Variants in DYTN observed in about 807,000 individuals in gnomAD.
DYTN encodes the protein dystrotelin.
DYTN carries 75 observed loss-of-function variants against 69.6 expected under a neutral mutation model. That is an observed-to-expected ratio of 1.08 (90% CI 0.89 to 1.31). DYTN has a LOEUF of 1.31. DYTN is among the 50% of genes most tolerant of loss of function. The pLI is 0.00. For missense variants in DYTN, 726 were observed against 688.4 expected (o/e 1.05, Z -0.61); for synonymous variants, 252 against 249.1 (o/e 1.01, Z -0.11).
intron 7 of DYTN, among the ~76,000 whole-genome samples, chr2:206,696,901 T>C (rs1345111135): frequency 6.6e-6 from 1 of 152,184 alleles, no homozygotes; most frequent in Non-Finnish European, 1.5e-5. Flanking sequence ...CAATGAACAT[T>C]AGTTGAATGA....
chr2:206,681,089 A>T (rs148256326), intron 9 of DYTN, among the ~76,000 whole-genome samples: 2 of 152,216 alleles, frequency 1.3e-5, no homozygotes, highest in South Asian at 2.1e-4. Flanking sequence ...GGTCCTTCAC[A>T]TCCCTTGTTA....
At chr2:206,678,170 A>T (rs1699710729) in intron 9 of DYTN, among the ~76,000 whole-genome samples, 1 of 152,240 alleles carries the variant, frequency 6.6e-6, no homozygotes, top group African/African-American at 2.4e-5. Flanking sequence ...GGTGCTGATG[A>T]AGGAAAAAAT....
chr2:206,671,201 C>T (rs1699626620), intron 9 of DYTN, among the ~76,000 whole-genome samples: 2 of 152,274 alleles, frequency 1.3e-5, no homozygotes, highest in South Asian at 2.1e-4. Context: ...GATTGGATTT[C>T]ATTACACTCC....
At chr2:206,666,075 G>C in intron 9 of DYTN, 46 bp from the exon 10 acceptor site, 3 of 1,596,750 alleles carry the variant, frequency 1.9e-6, no homozygotes, top group Non-Finnish European at 2.6e-6. Context: ...CAAGAGGCCA[G>C]TACACTAATT....
chr2:206,698,678 G>T (rs185072838), intron 7 of DYTN, among the ~76,000 whole-genome samples: 9 of 152,272 alleles, frequency 5.9e-5, no homozygotes, highest in Admixed American at 3.3e-4. Flanking sequence ...TTATTTATGG[G>T]AGACCTATAA....
chr2:206,710,072 AC>A (rs1321492842), intron 2 of DYTN, among the ~76,000 whole-genome samples: 1 of 152,216 alleles, frequency 6.6e-6, no homozygotes, highest in Admixed American at 6.5e-5. Flanking sequence ...ATTTGTACCT[AC>A]TTTTGCATGT....
chr2:206,690,318 T>TC lies in DYTN; in HGVS notation c.980+2856dup, dbSNP rs1022407547. Among the ~76,000 whole-genome samples the TC allele has an allele frequency of 7.9e-5, 12 of 152,160 alleles. No individual in the cohort carries two copies. In the South Asian group the frequency reaches 1.0e-3, roughly 13 times the overall value. The stretch of plus-strand genomic sequence containing the variant: ...AGCTGTGAGGCTGAAGCAGAACAAG[T>TC]CAGGGAGAGGTGCAGTGGAGGACCA... On this transcript the variant is annotated intron_variant, in intron 9 of 11. Coordinates refer to ENST00000452335, the MANE Select transcript of DYTN (RefSeq NM_001093730.1).
chr2:206,658,380 A>ACGT (rs1699472068), intron 11 of DYTN, among the ~76,000 whole-genome samples: 1 of 151,696 alleles, frequency 6.6e-6, no homozygotes, highest in South Asian at 2.1e-4. Context: ...TTTCTCTATT[A>ACGT]CTTCTTCTTC....
chr2:206,702,092 A>G, intron 5 of DYTN, among the ~76,000 whole-genome samples: 1 of 152,162 alleles, frequency 6.6e-6, no homozygotes, highest in African/African-American at 2.4e-5. Context: ...ATATATTTCA[A>G]CGGCTCAATC....
chr2:206,651,840 A>T lies in DYTN; in HGVS notation c.1715T>A (p.Ile572Asn), dbSNP rs1354681920. The change falls in exon 12 of 12, where the codon ATT becomes AAT. Residue 572 changes from isoleucine (I) to asparagine (N), a missense_variant. Physicochemically the swap from Ile to Asn is moderately radical, Grantham distance 149. Coordinates refer to ENST00000452335, the MANE Select transcript of DYTN (RefSeq NM_001093730.1). ...CRAFSALVDQ[I>N]ALPNLK is the part of the protein sequence containing the mutation. ...ATTTCACTTCAAATTGGGCAAGGCA[A>T]TTTGATCAACAAGGGCAGAGAAGGC... 1.2e-6 allele frequency: 2 copies of T among 1,613,542 alleles called. No individual in the cohort carries two copies. The highest frequency in any genetic ancestry group is 4.5e-5 in the East Asian group (2 of 44,884).
At chr2:206,705,538 C>T (rs750367677) in intron 4 of DYTN, among the ~76,000 whole-genome samples, 4 of 152,182 alleles carry the variant, frequency 2.6e-5, no homozygotes, top group Non-Finnish European at 5.9e-5. Flanking sequence ...GGCTTCAAAC[C>T]AATAATAATT....
rs762939397 is a variant in DYTN, at chr2:206,663,205, GTGTGACTTC to G, written c.1322_1330del (p.Arg441_His443del). 14 of 1,613,968 alleles carry G rather than the reference GTGTGACTTC, an allele frequency of 8.7e-6. No homozygotes were observed. In the South Asian group the frequency reaches 9.9e-5, roughly 11 times the overall value. On this transcript the variant is annotated inframe_deletion, in exon 11 of 12. Coordinates refer to ENST00000452335, the MANE Select transcript of DYTN (RefSeq NM_001093730.1). ...ATTTCGCAGAGCATGCTCTGCATTT[GTGTGACTTC>G]TGTGACTTCTGTCAACCTCATCAAG...
At chr2:206,705,259 G>T (rs1340999516) in intron 4 of DYTN, among the ~76,000 whole-genome samples, 1 of 152,154 alleles carries the variant, frequency 6.6e-6, no homozygotes, top group Non-Finnish European at 1.5e-5. Flanking sequence ...ACCACACCCG[G>T]CTAATTTTTT....
intron 1 of DYTN, among the ~76,000 whole-genome samples, chr2:206,714,243 G>T (rs886365436): frequency 2.0e-5 from 3 of 152,174 alleles, no homozygotes; most frequent in Non-Finnish European, 1.5e-5. Flanking sequence ...GTCTCGCTCT[G>T]TCACCCAGGC....
At chr2:206,692,726 T>A (rs1227190777) in intron 9 of DYTN, among the ~76,000 whole-genome samples, 1 of 152,068 alleles carries the variant, frequency 6.6e-6, no homozygotes, top group African/African-American at 2.4e-5. Flanking sequence ...TAATCCCTGT[T>A]TTGGTTAATC....
chr2:206,685,143 CTTATTTATTTATTTAT>C (rs10673463), intron 9 of DYTN, among the ~76,000 whole-genome samples: 17 of 145,804 alleles, frequency 1.2e-4, no homozygotes, highest in South Asian at 4.5e-4. Flanking sequence ...AGTAGCATGG[CTTATTTATTTATTTAT>C]TTATTTATTT....
At chr2:206,709,342 G>C (rs56296489) in intron 2 of DYTN, among the ~76,000 whole-genome samples, 10 of 151,914 alleles carry the variant, frequency 6.6e-5, no homozygotes, top group African/African-American at 2.2e-4. Flanking sequence ...CCAGCTACTC[G>C]GGAGGTTGAG....
intron 4 of DYTN, 92 bp from the exon 5 acceptor site, chr2:206,705,035 A>G: frequency 2.9e-6 from 3 of 1,042,210 alleles, no homozygotes; most frequent in Non-Finnish European, 4.3e-6. Context: ...CTTTGTGGCT[A>G]TGAAAGGAAA....
chr2:206,664,378 C>T (rs1047268079), intron 10 of DYTN, among the ~76,000 whole-genome samples: 5 of 152,198 alleles, frequency 3.3e-5, no homozygotes, highest in Admixed American at 2.0e-4. Flanking sequence ...CAGTTAAGGC[C>T]GGGCGCAGTG....
Sources: allele counts gnomAD v4.1 joint callset (sites outside exome capture counted in the v4.1 genomes callset), GRCh38; gene constraint gnomAD v4.1.1; transcripts MANE v1.5; gene names NCBI Gene and HGNC (gene_info 2026-07-23, HGNC 2026-07-21).